Variants in VPS13C observed in about 807,000 individuals in gnomAD.
VPS13C encodes vacuolar protein sorting 13 homolog C, also known as intermembrane lipid transfer protein VPS13C.
Under a neutral mutation model 456.8 loss-of-function variants are expected in VPS13C, and 358 were observed. The ratio of observed to expected loss-of-function variants is 0.78; its 90% CI spans 0.72 to 0.86. The LOEUF is 0.86. Ranked by LOEUF, VPS13C falls within the 40% of genes least tolerant of loss-of-function variation. The pLI is 0.00. For missense variants in VPS13C, 4,818 were observed against 4,385.4 expected, an observed-to-expected ratio of 1.10 and a Z score of -2.79; for synonymous variants, 1,578 against 1,486.7, an observed-to-expected ratio of 1.06 and a Z score of -1.41.
rs775505006 is a variant in VPS13C at position 61,991,744 on chromosome 15, C to T, written c.1412G>A (p.Gly471Glu). The change falls in exon 17 of 85, where the codon GGA becomes GAA. Residue 471 changes from glycine to glutamate, a missense_variant. This residue lies in a region of VPS13C where 4,552 missense variants were observed against 4,130.6 expected (regional missense o/e 1.10). Transcript: ENST00000644861. ...ACCCCACAACCCACTAAACCAGCCT[C>T]CACGTTTCTCGCCTGTGTCAGCAGA... ...KKSADTGEKR[G>E]GWFSGLWGKK... 1.2e-6 allele frequency: 2 copies of T among 1,613,636 alleles called. No individual in the cohort carries two copies. Among genetic ancestry groups the T allele is most frequent in the East Asian group, 2.2e-5 (1 of 44,854 alleles).
Position 61,931,238 on chromosome 15 carries a change from T to C in VPS13C, c.5890A>G (p.Asn1964Asp). The change falls in exon 50 of 85, where the codon AAT becomes GAT. Residue 1964 changes from asparagine (N) to aspartate (D), a missense_variant. This residue lies in a region of VPS13C where 4,552 missense variants were observed against 4,130.6 expected (regional missense o/e 1.10). Coordinates refer to ENST00000644861, the MANE Select transcript of VPS13C (RefSeq NM_020821.3). ...AGTTCACCAAGTTGGAAACTGTCATTATGAAATGCAACTCCAGATTCCTAT... is the reference window on the plus strand; with the variant it reads ...AGTTCACCAAGTTGGAAACTGTCATCATGAAATGCAACTCCAGATTCCTAT... ...INQESGVAFH[N>D]DSFQLGELRL... 1 of 1,613,784 alleles carries C rather than the reference T, an allele frequency of 6.2e-7. No individual in the cohort carries two copies. Among genetic ancestry groups the C allele is most frequent in the East Asian group, 2.2e-5 (1 of 44,858 alleles).
At chr15:61,908,010 C>G (rs905726313) in intron 65 of VPS13C, among the ~76,000 whole-genome samples, 19 of 152,160 alleles carry the variant, frequency 1.2e-4, no homozygotes, top group Admixed American at 1.2e-3. Context: ...AAAGTGTGGT[C>G]CGTAAACAGG....
Position 61,991,006 on chromosome 15 carries a change from A to G in VPS13C, c.1572T>C (p.Pro524=). 2 of 1,607,740 alleles carry G rather than the reference A, an allele frequency of 1.2e-6. No individual in the cohort carries two copies. The highest frequency in any genetic ancestry group is 1.7e-6 in the Non-Finnish European group (2 of 1,176,346). ...YSESTHNLTL[P]KQYVAHIMTL... is the part of the protein sequence containing the mutation. ...AAACCACTTAAATAATTACCTGCTT[A>G]GGTAAAGTTAGGTTGTGGGTACTCT... is the stretch of plus-strand genomic sequence containing the variant. The change falls in exon 18 of 85, where the codon CCT becomes CCC. Residue 524 remains proline, a synonymous_variant. Coordinates refer to ENST00000644861, the MANE Select transcript of VPS13C (RefSeq NM_020821.3).
intron 16 of VPS13C, among the ~76,000 whole-genome samples, chr15:61,994,641 G>A (rs2046324770): frequency 6.6e-6 from 1 of 151,598 alleles, no homozygotes; most frequent in African/African-American, 2.4e-5. Context: ...CCAGGCTGGA[G>A]TGCAATGGCA....
At chr15:61,903,574 T>C (rs2043067624) in intron 66 of VPS13C, among the ~76,000 whole-genome samples, 1 of 152,264 alleles carries the variant, frequency 6.6e-6, no homozygotes, top group East Asian at 1.9e-4. Flanking sequence ...AAAATGTCTC[T>C]ACTACCCAAA....
Position 61,915,619 on chromosome 15 carries a change from G to T in VPS13C, c.8445+14C>A. 1.3e-6 allele frequency: 2 copies of T among 1,560,922 alleles called. No individual in the cohort carries two copies. Among genetic ancestry groups the T allele is most frequent in the South Asian group, 2.5e-5 (2 of 79,488 alleles). ...ATTTATCTGCTTTAACTTATTATGTGAACAAAACCACACCTTATTTTTAGT... is the reference window on the plus strand; with the variant it reads ...ATTTATCTGCTTTAACTTATTATGTTAACAAAACCACACCTTATTTTTAGT... On this transcript the variant is annotated intron_variant, in intron 61 of 84. Transcript: ENST00000644861.
At chr15:61,865,500 G>A in intron 81 of VPS13C, 1 of 979,180 alleles carries the variant, frequency 1.0e-6, no homozygotes, top group Non-Finnish European at 1.2e-6. Flanking sequence ...ACCAAAATGA[G>A]TATTAAATGA....
At chr15:61,877,389 G>C (rs1398961511) in intron 74 of VPS13C, among the ~76,000 whole-genome samples, 2 of 111,436 alleles carry the variant, frequency 1.8e-5, no homozygotes, top group African/African-American at 2.7e-5. Context: ...TGTATGCCCT[G>C]TTTACACTCA....
At chr15:62,057,214 A>AAC (rs2140816664) in intron 1 of VPS13C, among the ~76,000 whole-genome samples, 2 of 151,812 alleles carry the variant, frequency 1.3e-5, no homozygotes, top group African/African-American at 2.4e-5. Context: ...ACAACAACAA[A>AAC]AAAAAAACTC....
At chr15:61,886,962 G>A (rs1481147693) in intron 67 of VPS13C, among the ~76,000 whole-genome samples, 1 of 152,138 alleles carries the variant, frequency 6.6e-6, no homozygotes, top group Non-Finnish European at 1.5e-5. Flanking sequence ...TAACATCATA[G>A]TGAGAAACCA....
Position 61,884,315 on chromosome 15 carries a change from G to C in VPS13C, c.9342-46C>G. On this transcript the variant is annotated intron_variant, in intron 67 of 84. Transcript: ENST00000644861. ...AATTAAATTAGCAATATGTATTTAG[G>C]TCTGTGGAACTTTATTCAACTCCAG... 2.5e-6 allele frequency: 4 copies of C among 1,577,074 alleles called. 1 individual carries two copies. Among genetic ancestry groups the C allele is most frequent in the Middle Eastern group, 1.7e-4 (1 of 5,978 alleles).
chr15:61,991,983 T>C (rs1051532389), intron 16 of VPS13C, among the ~76,000 whole-genome samples, 181 bp from the exon 17 acceptor site: 1 of 152,092 alleles, frequency 6.6e-6, no homozygotes, highest in Non-Finnish European at 1.5e-5. Flanking sequence ...CCCTATTAGT[T>C]TATTAATACT....
chr15:61,940,675 T>A lies in VPS13C; in HGVS notation c.5573A>T (p.Glu1858Val), dbSNP rs768706768. ...AAWYVQIPGM[E>V]IKGKLKPMQV... The stretch of plus-strand genomic sequence containing the variant: ...CATAGGTTTTAGTTTTCCTTTTATC[T>A]CCATCCCTGGAATTTGCACATACCA... The change falls in exon 47 of 85, where the codon GAG (glutamate) becomes GTG (valine). Residue 1858 changes from glutamate (E) to valine (V), a missense_variant. Coordinates refer to ENST00000644861, the MANE Select transcript of VPS13C (RefSeq NM_020821.3). The A allele has an allele frequency of 6.2e-7, 1 of 1,613,534 alleles. No homozygotes were observed. The highest frequency in any genetic ancestry group is 8.5e-7 in the Non-Finnish European group (1 of 1,179,774).
At chr15:61,997,701 A>G (rs1193142336) in intron 16 of VPS13C, among the ~76,000 whole-genome samples, 1 of 152,188 alleles carries the variant, frequency 6.6e-6, no homozygotes, top group Non-Finnish European at 1.5e-5. Context: ...CAGTCAGGAA[A>G]TACTGGCTGT....
chr15:61,977,305 A>T (rs1193260742), intron 23 of VPS13C, 106 bp from the exon 24 acceptor site: 2 of 701,086 alleles, frequency 2.9e-6, no homozygotes, highest in South Asian at 2.8e-5. Flanking sequence ...CAGACATTCT[A>T]TGGAAAATCA....
Position 61,918,188 on chromosome 15 carries a change from T to G in VPS13C, c.7708A>C (p.Ile2570Leu), listed in dbSNP as rs779340786. The change falls in exon 59 of 85, where the codon ATT becomes CTT. Residue 2570 changes from isoleucine (I) to leucine (L), a missense_variant. Around this residue, in one of 3 missense-constraint regions of VPS13C, gnomAD observed 4,552 missense variants for 4,130.6 expected, o/e 1.10. Coordinates refer to ENST00000644861, the MANE Select transcript of VPS13C (RefSeq NM_020821.3). ...TCCTCTTCAGGTCTGGCTATCCCAATGCGCTCCAATAGCTTAACATTCTTA... is the reference window on the plus strand; with the variant it reads ...TCCTCTTCAGGTCTGGCTATCCCAAGGCGCTCCAATAGCTTAACATTCTTA... ...FVKNVKLLER[I>L]GIARPEEEFH... 14 of 1,601,122 alleles carry G rather than the reference T, an allele frequency of 8.7e-6. No individual in the cohort carries two copies. Among genetic ancestry groups the G allele is most frequent in the Non-Finnish European group, 7.7e-6 (9 of 1,175,276 alleles).
rs551854693 is a variant in VPS13C, at chr15:62,000,630, T to C, written c.1291-4A>G. On this transcript the variant is annotated splice_polypyrimidine_tract_variant and splice_region_variant and intron_variant, in intron 15 of 84. Transcript: ENST00000644861. ...CATCTAGAGTCTTCTCCAAGTCCTG[T>C]AAAAAACAGAGGCACTTATAAACAA... 156 of 1,593,738 alleles carry C rather than the reference T, an allele frequency of 9.8e-5. 2 individuals carry two copies. In the East Asian group the frequency reaches 2.9e-3, roughly 30 times the overall value.
At chr15:61,908,252 T>TG (rs1181172498) in intron 65 of VPS13C, among the ~76,000 whole-genome samples, 1 of 152,148 alleles carries the variant, frequency 6.6e-6, no homozygotes, top group Non-Finnish European at 1.5e-5. Context: ...AGTCTCTCAC[T>TG]GGATTCACTC....
intron 3 of VPS13C, among the ~76,000 whole-genome samples, chr15:62,037,497 AAATTTATTATATTGTAAGAATAT>A (rs1158477295): frequency 0.025 from 3,358 of 134,850 alleles, 169 homozygotes; most frequent in African/African-American, 0.09. Flanking sequence ...AGAATATAAT[AAATTTATTATATTGTAAGAATAT>A]AATAAATAAT....
Sources: allele counts gnomAD v4.1 joint callset (sites outside exome capture counted in the v4.1 genomes callset), GRCh38; gene constraint gnomAD v4.1.1; regional missense constraint gnomAD v4.1.1; transcripts MANE v1.5; gene names NCBI Gene and HGNC (gene_info 2026-07-23, HGNC 2026-07-21).